Variants in PKP2 observed in about 807,000 individuals in gnomAD.
PKP2 encodes the protein plakophilin-2.
PKP2 carries 73 observed loss-of-function variants against 83.4 expected under a neutral mutation model. The ratio of observed to expected loss-of-function variants is 0.88; its 90% CI spans 0.72 to 1.06. PKP2 has a LOEUF of 1.06. Ranked by LOEUF, PKP2 falls within the 50% of genes least tolerant of loss-of-function variation. The pLI, the probability that PKP2 is intolerant of heterozygous loss-of-function variation, is 0.00. For missense variants in PKP2, 966 were observed against 1,065.4 expected (o/e 0.91, Z 1.30); for synonymous variants, 409 against 430.4 (o/e 0.95, Z 0.62).
chr12:32,881,239 A>C (rs1565600528), intron 1 of PKP2, among the ~76,000 whole-genome samples: 1 of 152,090 alleles, frequency 6.6e-6, no homozygotes, highest in Non-Finnish European at 1.5e-5. Context: ...GAGTCTTGTG[A>C]GGAGGCAGTG....
chr12:32,891,483 A>G (rs1467035284), intron 1 of PKP2, among the ~76,000 whole-genome samples: 1 of 152,238 alleles, frequency 6.6e-6, no homozygotes, highest in Non-Finnish European at 1.5e-5. Flanking sequence ...AAGATAAAAT[A>G]ATGTAACTAT....
intron 1 of PKP2, among the ~76,000 whole-genome samples, chr12:32,896,187 C>CCA (rs1957121550): frequency 6.6e-6 from 1 of 152,134 alleles, no homozygotes; most frequent in South Asian, 2.1e-4. Context: ...ACTCCCTGAA[C>CCA]CTTCAAATTA....
chr12:32,831,400 G>A (rs2137805034), intron 6 of PKP2, among the ~76,000 whole-genome samples: 1 of 152,264 alleles, frequency 6.6e-6, no homozygotes, highest in East Asian at 1.9e-4. Context: ...AAGACCTTGT[G>A]TCACAAAATA....
intron 9 of PKP2, among the ~76,000 whole-genome samples, chr12:32,812,861 T>C (rs1392423794): frequency 1.3e-5 from 2 of 152,232 alleles, no homozygotes; most frequent in African/African-American, 4.8e-5. Flanking sequence ...GACTTGCCAA[T>C]TGACTTTCTG....
At chr12:32,871,462 AT>A (rs879903373) in intron 3 of PKP2, among the ~76,000 whole-genome samples, 71 of 146,338 alleles carry the variant, frequency 4.9e-4, no homozygotes, top group South Asian at 6.6e-4. Context: ...TACCCGGCTA[AT>A]TTTTTTTTTT....
chr12:32,844,439 A>T (rs77086098), intron 5 of PKP2, among the ~76,000 whole-genome samples: 4,191 of 152,322 alleles, frequency 0.028, 86 homozygotes, highest in Middle Eastern at 0.031. Flanking sequence ...TACATAACAC[A>T]AAACCAACTG....
intron 6 of PKP2, among the ~76,000 whole-genome samples, chr12:32,838,028 C>G (rs138230114): frequency 1.2e-4 from 18 of 152,210 alleles, no homozygotes; most frequent in African/African-American, 4.3e-4. Flanking sequence ...AAGGCACATG[C>G]GCTCGCATGT....
chr12:32,884,196 G>A (rs918718025), intron 1 of PKP2, among the ~76,000 whole-genome samples: 1 of 152,218 alleles, frequency 6.6e-6, no homozygotes, highest in East Asian at 1.9e-4. Flanking sequence ...GCTTACGCCT[G>A]TAATCCTAGC....
At chr12:32,878,817 T>TA in intron 2 of PKP2, 103 bp downstream of exon 2, 1 of 781,060 alleles carries the variant, frequency 1.3e-6, no homozygotes, top group South Asian at 1.5e-5. Context: ...TAGGAAATGA[T>TA]AATACTTGGG....
chr12:32,857,111 A>T (rs1310065365), intron 4 of PKP2, among the ~76,000 whole-genome samples: 3 of 152,212 alleles, frequency 2.0e-5, no homozygotes, highest in Non-Finnish European at 2.9e-5. Flanking sequence ...TGGAGAGTAG[A>T]GAAGAAAAGC....
Position 32,845,847 on chromosome 12 carries a change from T to C in PKP2, c.1379-4642A>G, listed in dbSNP as rs1191133103. Reference sequence around the variant, plus strand: ...TCCCTTGCATAGATATACCCCTCCTTTCACCTAAATTTTGCAAATCTTAAC... The same window carrying C: ...TCCCTTGCATAGATATACCCCTCCTCTCACCTAAATTTTGCAAATCTTAAC... On this transcript the variant is annotated intron_variant, in intron 5 of 12. Transcript: ENST00000340811. Among the ~76,000 whole-genome samples, 2 of 152,118 alleles carry C rather than the reference T, an allele frequency of 1.3e-5. 1 individual carries two copies. The highest frequency in any genetic ancestry group is 1.3e-4 in the Admixed American group (2 of 15,258).
intron 9 of PKP2, among the ~76,000 whole-genome samples, chr12:32,819,158 A>C (rs1254214382): frequency 2.0e-5 from 3 of 151,834 alleles, no homozygotes; most frequent in African/African-American, 7.3e-5. Context: ...GGCACCTGTA[A>C]TCCCAGCTAC....
intron 6 of PKP2, among the ~76,000 whole-genome samples, chr12:32,834,303 A>T (rs1329026289): frequency 6.6e-6 from 1 of 152,178 alleles, no homozygotes; most frequent in Non-Finnish European, 1.5e-5. Flanking sequence ...TTCAACAAGT[A>T]CTCAAGGAAT....
intron 11 of PKP2, among the ~76,000 whole-genome samples, chr12:32,795,675 C>T (rs1479639141): frequency 2.0e-5 from 3 of 152,170 alleles, no homozygotes; most frequent in Non-Finnish European, 4.4e-5. Flanking sequence ...GCCACTGTGC[C>T]CAGCCCATCA....
intron 4 of PKP2, among the ~76,000 whole-genome samples, chr12:32,865,243 C>T (rs746239278): frequency 1.3e-5 from 2 of 151,826 alleles, no homozygotes; most frequent in Non-Finnish European, 2.9e-5. Flanking sequence ...GGTGTGGTGG[C>T]AGTTGCCTGT....
intron 6 of PKP2, among the ~76,000 whole-genome samples, chr12:32,836,809 G>A (rs1476999694): frequency 1.3e-5 from 2 of 152,174 alleles, no homozygotes; most frequent in Non-Finnish European, 2.9e-5. Context: ...TTTTAAGAGT[G>A]AGCTGTAGAC....
chr12:32,862,756 T>A (rs1393150839), intron 4 of PKP2, among the ~76,000 whole-genome samples: 3 of 152,076 alleles, frequency 2.0e-5, no homozygotes, highest in Admixed American at 2.0e-4. Context: ...CCCAAGTGGA[T>A]CACTTTGAGA....
intron 6 of PKP2, among the ~76,000 whole-genome samples, chr12:32,834,976 CGTGTGTGTGT>C (rs10629969): frequency 1.4e-3 from 164 of 119,436 alleles, no homozygotes; most frequent in African/African-American, 4.7e-3. Flanking sequence ...TCACAATAGG[CGTGTGTGTGT>C]GTGTGTGTGT....
chr12:32,818,602 CTA>C (rs1168434987), intron 9 of PKP2, among the ~76,000 whole-genome samples: 3 of 152,174 alleles, frequency 2.0e-5, no homozygotes, highest in Non-Finnish European at 4.4e-5. Context: ...CCTTTTGCTA[CTA>C]GAGTGACCAT....
Sources: allele counts gnomAD v4.1 joint callset (sites outside exome capture counted in the v4.1 genomes callset), GRCh38; gene constraint gnomAD v4.1.1; transcripts MANE v1.5; gene names NCBI Gene and HGNC (gene_info 2026-07-23, HGNC 2026-07-21).